The following KIAA0586 variants were observed in gnomAD, a reference collection of about 807,000 sequenced individuals.
The protein encoded by KIAA0586 is protein TALPID3.
KIAA0586 carries 144 observed loss-of-function variants against 169.8 expected under a neutral mutation model. The observed-to-expected ratio is 0.85, with a 90% CI of 0.74 to 0.97. KIAA0586 has a LOEUF of 0.97. Among genes scored for constraint, KIAA0586 ranks in the 50% least tolerant of loss-of-function variants. The probability of loss-of-function intolerance (pLI) is 0.00; values close to 1 mark genes in which losing one functional copy is unlikely to be tolerated. For synonymous variants in KIAA0586, 625 were observed against 612.4 expected (o/e 1.02, Z -0.30); for missense variants, 1,854 against 1,823.0 (o/e 1.02, Z -0.31).
chr14:58,467,034 T>C (rs2040824555), intron 15 of KIAA0586, among the ~76,000 whole-genome samples: 1 of 152,238 alleles, frequency 6.6e-6, no homozygotes, highest in Non-Finnish European at 1.5e-5. Flanking sequence ...TCTTTTGTTT[T>C]GATTAACAAT....
At chr14:58,427,430 G>A (rs953828933), upstream of KIAA0586, 2 of 641,654 alleles carry the variant, frequency 3.1e-6, no homozygotes, top group African/African-American at 3.7e-5. Flanking sequence ...AAGCGAAGCA[G>A]TGTCAACAGT....
At position 58,508,601 on chromosome 14, in the gene KIAA0586, G is replaced by C; in HGVS notation, c.4215G>C (p.Leu1405Phe). The C allele has an allele frequency of 6.3e-7, 1 of 1,598,228 alleles. No individual in the cohort carries two copies. The highest frequency in any genetic ancestry group is 8.5e-7 in the Non-Finnish European group (1 of 1,171,484). ...DSCASHGPMS[L>F]GELELEPNSK... ...GTGCTAGTCATGGTCCAATGAGTTT[G>C]GGAGAATTGGAGTTGGAGCCAAATT... The change falls in exon 28 of 31, where the codon TTG (leucine) becomes TTC (phenylalanine). Residue 1405 changes from leucine (L) to phenylalanine (F), a missense_variant. Leu to Phe is a conservative substitution (Grantham distance 22, BLOSUM62 0). Transcript: ENST00000652326.
chr14:58,502,062 G>A (rs2043606115), intron 27 of KIAA0586, among the ~76,000 whole-genome samples: 1 of 152,190 alleles, frequency 6.6e-6, no homozygotes, highest in South Asian at 2.1e-4. Flanking sequence ...CCAGTCCATA[G>A]GGCCGTGAAT....
chr14:58,508,771 C>T (rs945460553), intron 28 of KIAA0586, 62 bp downstream of exon 28: 99 of 1,303,640 alleles, frequency 7.6e-5, no homozygotes, highest in Non-Finnish European at 6.5e-5. Context: ...GTTGCCTTAG[C>T]GTGGTACCCC....
intron 30 of KIAA0586, among the ~76,000 whole-genome samples, chr14:58,541,754 G>T (rs2046648516): frequency 6.6e-6 from 1 of 152,182 alleles, no homozygotes; most frequent in Non-Finnish European, 1.5e-5. Flanking sequence ...TCAAAAACGT[G>T]TATTAAATTA....
At chr14:58,503,578 A>G (rs561964905) in intron 27 of KIAA0586, among the ~76,000 whole-genome samples, 5 of 152,294 alleles carry the variant, frequency 3.3e-5, no homozygotes, top group Admixed American at 3.3e-4. Context: ...TTTCTCTAGT[A>G]GACATAGTAG....
In KIAA0586 at chr14:58,488,678, T is replaced by C; in HGVS notation, c.3585T>C (p.Pro1195=). The C allele has an allele frequency of 6.2e-7, 1 of 1,613,894 alleles. No individual in the cohort carries two copies. The highest frequency in any genetic ancestry group is 1.1e-5 in the South Asian group (1 of 91,084). Residue 1195 remains proline (P), a synonymous_variant, in exon 24 of 31, where the codon CCT becomes CCC. Coordinates refer to ENST00000652326, the MANE Select transcript of KIAA0586 (RefSeq NM_001329943.3). The part of the protein sequence containing the change: ...EPESMDFPAQ[P]PPPEPVPFMP... ...AGAGTATGGATTTCCCTGCTCAGCC[T>C]CCACCTCCAGAGCCAGTTCCCTTTA...
intron 26 of KIAA0586, among the ~76,000 whole-genome samples, chr14:58,494,294 T>A (rs1239453127): frequency 6.6e-6 from 1 of 151,038 alleles, no homozygotes; most frequent in Non-Finnish European, 1.5e-5. Flanking sequence ...TCCCGTTTAT[T>A]GTGTTTTTCA....
In KIAA0586 at chr14:58,461,137, C is replaced by T; in HGVS notation, c.2036C>T (p.Pro679Leu). The T allele has an allele frequency of 1.9e-6, 3 of 1,587,672 alleles. No individual in the cohort carries two copies. Among genetic ancestry groups the T allele is most frequent in the Non-Finnish European group, 2.6e-6 (3 of 1,170,134 alleles). Residue 679 changes from proline to leucine, a missense_variant, in exon 14 of 31, where the codon CCA becomes CTA. Pro to Leu is a moderately conservative substitution (Grantham distance 98). Transcript: ENST00000652326. ...TCTCCTAAGTCCAGACCACAGAGAC[C>T]AAAAGTAATAGAACGAGTTAAAGGT... is the stretch of plus-strand genomic sequence containing the variant. ...SPSPKSRPQR[P>L]KVIERVKGTK...
At chr14:58,524,894 A>G (rs761926081) in intron 29 of KIAA0586, among the ~76,000 whole-genome samples, 3 of 152,114 alleles carry the variant, frequency 2.0e-5, no homozygotes, top group Non-Finnish European at 2.9e-5. Flanking sequence ...TTTAGTAGAG[A>G]TGGGGTTTCA....
In KIAA0586 at chr14:58,443,987, G is replaced by C; in HGVS notation, c.619G>C (p.Val207Leu). The change falls in exon 6 of 31, where the codon GTT becomes CTT. Residue 207 changes from valine to leucine, a missense_variant. Physicochemically the swap from Val to Leu is conservative, Grantham distance 32. Transcript: ENST00000652326. ...TGATTTGGAAGCAAAAGTCAATTCT[G>C]TTACAGAATTACTTAGTAAATTACA... ...QSDLEAKVNSVTELLSKLQET... is the reference protein window; with the variant it reads ...QSDLEAKVNSLTELLSKLQET... The C allele has an allele frequency of 6.2e-7, 1 of 1,609,292 alleles. No individual in the cohort carries two copies. The highest frequency in any genetic ancestry group is 8.5e-7 in the Non-Finnish European group (1 of 1,177,238).
intron 16 of KIAA0586, 99 bp downstream of exon 16, chr14:58,468,021 C>A: frequency 1.4e-6 from 1 of 694,220 alleles, no homozygotes; most frequent in Non-Finnish European, 2.3e-6. Flanking sequence ...AAAAATATTG[C>A]TTTTGATCAT....
chr14:58,489,011 A>G, intron 24 of KIAA0586, 137 bp downstream of exon 24: 1 of 884,512 alleles, frequency 1.1e-6, no homozygotes, highest in Non-Finnish European at 1.7e-6. Context: ...GACTCAATGC[A>G]ATTTAGTTAA....
rs1361540026 is a variant in KIAA0586 at position 58,550,368 on chromosome 14, C to T, written c.*2436C>T. On this transcript the variant is annotated 3_prime_UTR_variant, in exon 31 of 31. Transcript: ENST00000652326. ...CTCCTGTACACATTCCTCTGCCAAC[C>T]ACTTCAGATTCTTTTGGAATAAGAC... The T allele has an allele frequency of 6.6e-6, 1 of 152,150 alleles. No homozygotes were observed. Among genetic ancestry groups the T allele is most frequent in the Non-Finnish European group, 1.5e-5 (1 of 68,012 alleles). 9.4% of individuals were successfully genotyped at this position (152,150 alleles called of 1,614,324 possible).
At chr14:58,557,901 C>CTTTTTGTTTTTTTTTTTTT in the KIAA0586 span, among the ~76,000 whole-genome samples, 1 of 42,500 alleles carries the variant, frequency 2.4e-5, no homozygotes, top group Non-Finnish European at 3.7e-5. Flanking sequence ...CCTGAGAAAT[C>CTTTTTGTTTTTTTTTTTTT]TTTTTTTTTT....
downstream of KIAA0586, among the ~76,000 whole-genome samples, chr14:58,553,294 T>C (rs959839940): frequency 6.6e-6 from 1 of 152,194 alleles, no homozygotes; most frequent in African/African-American, 2.4e-5. Context: ...GAGGTATTCC[T>C]ATGATTTGAG....
chr14:58,427,567 G>C, upstream of KIAA0586: 2 of 1,533,888 alleles, frequency 1.3e-6, no homozygotes, highest in South Asian at 2.4e-5. Flanking sequence ...GTTATGTCCG[G>C]AGTTTGTTTC....
chr14:58,542,527 G>A (rs1788498920), intron 30 of KIAA0586, among the ~76,000 whole-genome samples: 1 of 151,582 alleles, frequency 6.6e-6, no homozygotes, highest in Non-Finnish European at 1.5e-5. Context: ...CTTTTGATAA[G>A]ATGGTACATT....
At chr14:58,491,295 A>G (rs1420317159) in intron 25 of KIAA0586, among the ~76,000 whole-genome samples, 1 of 152,180 alleles carries the variant, frequency 6.6e-6, no homozygotes, top group African/African-American at 2.4e-5. Context: ...TATTTTTACT[A>G]TGCCTAAATC....
Sources: allele counts gnomAD v4.1 joint callset (sites outside exome capture counted in the v4.1 genomes callset), GRCh38; gene constraint gnomAD v4.1.1; transcripts MANE v1.5; gene names NCBI Gene and HGNC (gene_info 2026-07-23, HGNC 2026-07-21).